ITPR1: variants seen among roughly 807,000 people sequenced by gnomAD.
ITPR1 encodes the protein inositol 1,4,5-trisphosphate-gated calcium channel ITPR1.
In ITPR1, 96 loss-of-function variants were observed where a neutral mutation model predicts 318.4. That is an observed-to-expected ratio of 0.30 (90% confidence interval 0.26 to 0.36). The LOEUF is 0.36. ITPR1 is among the 10% of genes least tolerant of loss of function. The probability of loss-of-function intolerance (pLI) is 1.00; values close to 1 mark genes in which losing one functional copy is unlikely to be tolerated. For missense variants in ITPR1, 2,440 were observed against 3,460.2 expected, an observed-to-expected ratio of 0.71 and a Z score of 7.40; for synonymous variants, 1,312 against 1,289.9, an observed-to-expected ratio of 1.02 and a Z score of -0.37.
In ITPR1 at chr3:4,768,285, T is replaced by C. The variant is rs17041401; in HGVS notation, c.5726-226T>C. ...CTGAGGCTTTTCCTCTGAAACACAC[T>C]GTACACGTAGGTGAAATGGTAGATC... On this transcript the variant is annotated intron_variant, in intron 45 of 61. Coordinates refer to ENST00000649015, the MANE Select transcript of ITPR1 (RefSeq NM_001378452.1). 0.34 allele frequency: 155,777 copies of C among 453,856 alleles called. 29,737 individuals are homozygous for C. The highest frequency in any genetic ancestry group is 0.41 in the Non-Finnish European group (105,012 of 257,560). The allele number at this position is 453,856 out of a possible 1,614,324, so 28.1% of individuals were successfully genotyped here.
intron 4 of ITPR1, among the ~76,000 whole-genome samples, chr3:4,607,810 T>C (rs2091807995): frequency 6.6e-6 from 1 of 151,970 alleles, no homozygotes; most frequent in African/African-American, 2.4e-5. Flanking sequence ...GCAACAAAAC[T>C]TGAAAAGATA....
intron 26 of ITPR1, among the ~76,000 whole-genome samples, chr3:4,682,877 T>G (rs2094326304): frequency 6.6e-6 from 1 of 151,570 alleles, no homozygotes; most frequent in African/African-American, 2.4e-5. Context: ...TGCCATTTGA[T>G]CTAGGATATG....
intron 60 of ITPR1, among the ~76,000 whole-genome samples, chr3:4,830,218 C>T (rs762059341): frequency 2.6e-5 from 4 of 151,804 alleles, no homozygotes; most frequent in Non-Finnish European, 5.9e-5. Flanking sequence ...TCAGGTGATC[C>T]GTCCACCTCA....
chr3:4,521,059 C>T lies in ITPR1; in HGVS notation c.128C>T (p.Thr43Ile). ...GATCGTTGTGTTGTACAGCCAGAAA[C>T]CGGGGACCTTAACAATCCACCTAAG... ...VDDRCVVQPETGDLNNPPKKF... is the reference protein window; with the variant it reads ...VDDRCVVQPEIGDLNNPPKKF... The change falls in exon 4 of 62, where the codon ACC becomes ATC. Residue 43 changes from threonine to isoleucine, a missense_variant. Transcript: ENST00000649015. 6.2e-7 allele frequency: 1 copy of T among 1,613,684 alleles called. No individual in the cohort carries two copies.
chr3:4,705,621 T>C (rs1318987365), intron 36 of ITPR1, among the ~76,000 whole-genome samples: 1 of 152,240 alleles, frequency 6.6e-6, no homozygotes. Context: ...TCTCCCATTA[T>C]GGGTTTGACT....
rs749136213 is a variant in ITPR1, at chr3:4,676,808, A to G, written c.2967+7A>G. On this transcript the variant is annotated splice_region_variant and intron_variant, in intron 24 of 61. Coordinates refer to ENST00000649015, the MANE Select transcript of ITPR1 (RefSeq NM_001378452.1). ...GATCATTGAGATACTCCAGGTATCCACTAGCTGGAGCTGGGGTAGGGAGGG... is the reference window on the plus strand; with the variant it reads ...GATCATTGAGATACTCCAGGTATCCGCTAGCTGGAGCTGGGGTAGGGAGGG... 4 of 1,602,508 alleles carry G rather than the reference A, an allele frequency of 2.5e-6. No homozygotes were observed. Among genetic ancestry groups the G allele is most frequent in the Non-Finnish European group, 2.6e-6 (3 of 1,171,230 alleles).
At chr3:4,839,076 C>T (rs758846673) in intron 61 of ITPR1, among the ~76,000 whole-genome samples, 5 of 152,154 alleles carry the variant, frequency 3.3e-5, no homozygotes, top group Non-Finnish European at 7.3e-5. Context: ...GCCTGTAATC[C>T]CAACATTTTG....
At chr3:4,506,311 T>C (rs1015999425) in intron 2 of ITPR1, among the ~76,000 whole-genome samples, 11 of 152,218 alleles carry the variant, frequency 7.2e-5, no homozygotes, top group Admixed American at 7.2e-4. Context: ...GCTTTCTGTT[T>C]CTGGAATTTG....
At chr3:4,725,685 G>A (rs1403308942) in intron 41 of ITPR1, 104 bp downstream of exon 41, 18 of 1,001,344 alleles carry the variant, frequency 1.8e-5, no homozygotes, top group East Asian at 9.9e-5. Flanking sequence ...AGTCTCTCCC[G>A]GTGGTAGATG....
intron 13 of ITPR1, among the ~76,000 whole-genome samples, chr3:4,659,441 G>A (rs2093785104): frequency 6.6e-6 from 1 of 152,170 alleles, no homozygotes; most frequent in Admixed American, 6.5e-5. Flanking sequence ...AGCACTTTGG[G>A]AGGCTGAAGC....
At chr3:4,586,855 T>C (rs1260304129) in intron 4 of ITPR1, among the ~76,000 whole-genome samples, 1 of 152,108 alleles carries the variant, frequency 6.6e-6, no homozygotes, top group East Asian at 1.9e-4. Context: ...CCTGCTTTGT[T>C]GCTATGCTCT....
At chr3:4,775,471 A>G (rs759569590) in intron 47 of ITPR1, 29 bp downstream of exon 47, 15 of 1,523,374 alleles carry the variant, frequency 9.8e-6, no homozygotes, top group Non-Finnish European at 1.4e-5. Flanking sequence ...TGGGATGGGG[A>G]AAAAAAGTGT....
intron 44 of ITPR1, among the ~76,000 whole-genome samples, chr3:4,736,883 G>T (rs980211046): frequency 6.6e-6 from 1 of 152,222 alleles, no homozygotes. Context: ...CAGGGGCGAT[G>T]ATGGGGCAGT....
chr3:4,837,441 A>G (rs1313114489), intron 61 of ITPR1, among the ~76,000 whole-genome samples: 1 of 152,102 alleles, frequency 6.6e-6, no homozygotes. Context: ...TGGCTATCAT[A>G]GTACAGGAAT....
intron 35 of ITPR1, among the ~76,000 whole-genome samples, chr3:4,701,700 GC>G (rs2094656065): frequency 6.6e-6 from 1 of 151,960 alleles, no homozygotes; most frequent in Non-Finnish European, 1.5e-5. Flanking sequence ...TCCTTGCTGG[GC>G]CTTTGTTTTT....
At position 4,815,036 on chromosome 3, in the gene ITPR1, A is replaced by G; in HGVS notation, c.7702-17A>G. The G allele has an allele frequency of 6.2e-7, 1 of 1,600,366 alleles. No homozygotes were observed. Among genetic ancestry groups the G allele is most frequent in the South Asian group, 1.1e-5 (1 of 88,680 alleles). The stretch of plus-strand genomic sequence containing the variant: ...TCGCAAGGGACCCAGACTGATCCAG[A>G]CACCTCTCTTTTCCAGGAACCCCTG... On this transcript the variant is annotated splice_polypyrimidine_tract_variant and intron_variant, in intron 58 of 61. Coordinates refer to ENST00000649015, the MANE Select transcript of ITPR1 (RefSeq NM_001378452.1).
chr3:4,605,484 A>G (rs1045692299), intron 4 of ITPR1, among the ~76,000 whole-genome samples: 2 of 152,148 alleles, frequency 1.3e-5, no homozygotes, highest in Non-Finnish European at 2.9e-5. Flanking sequence ...GCTGAAGTTG[A>G]TAGTAGTGCT....
chr3:4,615,080 G>A (rs1431601821), intron 4 of ITPR1, among the ~76,000 whole-genome samples: 1 of 152,218 alleles, frequency 6.6e-6, no homozygotes. Context: ...CATGGCTGCG[G>A]AGCCAGGTCC....
Position 4,681,414 on chromosome 3 carries a change from G to A in ITPR1, c.3157G>A (p.Gly1053Arg). 1.2e-6 allele frequency: 2 copies of A among 1,610,086 alleles called. No homozygotes were observed. Among genetic ancestry groups the A allele is most frequent in the Non-Finnish European group, 1.7e-6 (2 of 1,176,594 alleles). The change falls in exon 26 of 62, where the codon GGA (glycine) becomes AGA (arginine). Residue 1053 changes from glycine (G) to arginine (R), a missense_variant. Coordinates refer to ENST00000649015, the MANE Select transcript of ITPR1 (RefSeq NM_001378452.1). ...AGAACAAGCAGAAGGCATCTTTGGAGGAAGGAAAGTATATTTTCAGTTACT... is the reference window on the plus strand; with the variant it reads ...AGAACAAGCAGAAGGCATCTTTGGAAGAAGGAAAGTATATTTTCAGTTACT... ...IEEQAEGIFG[G>R]SEENTPLDLD... is the part of the protein sequence containing the mutation.
Sources: gnomAD v4.1 joint callset for allele counts (sites outside exome capture counted in the v4.1 genomes callset) on GRCh38, gnomAD v4.1.1 for gene constraint, MANE v1.5 for transcripts, NCBI Gene and HGNC (gene_info 2026-07-23, HGNC 2026-07-21) for gene names.